LAMA2: variants seen among roughly 807,000 people sequenced by gnomAD.
LAMA2 encodes laminin subunit alpha 2.
In LAMA2, 269 loss-of-function variants were observed where a neutral mutation model predicts 364.8. The ratio of observed to expected loss-of-function variants is 0.74; its 90% CI spans 0.67 to 0.82. LAMA2 has a LOEUF of 0.82. Among genes scored for constraint, LAMA2 ranks in the 40% least tolerant of loss-of-function variants. The probability of loss-of-function intolerance (pLI) is 0.00; values close to 1 mark genes in which losing one functional copy is unlikely to be tolerated. For missense variants in LAMA2, 3,807 were observed against 3,873.2 expected, an observed-to-expected ratio of 0.98 and a Z score of 0.45; for synonymous variants, 1,379 against 1,370.6, an observed-to-expected ratio of 1.01 and a Z score of -0.14.
At chr6:129,364,216 C>G (rs1046313682) in intron 32 of LAMA2, among the ~76,000 whole-genome samples, 13 of 152,278 alleles carry the variant, frequency 8.5e-5, no homozygotes, top group Admixed American at 2.6e-4. Context: ...AGCTGCTGTC[C>G]TATCAAAAAA....
chr6:129,021,811 A>G (rs1488256623), intron 1 of LAMA2, among the ~76,000 whole-genome samples: 1 of 152,200 alleles, frequency 6.6e-6, no homozygotes, highest in Non-Finnish European at 1.5e-5. Context: ...ACTTAAATAT[A>G]TGTTATTTCT....
intron 37 of LAMA2, among the ~76,000 whole-genome samples, chr6:129,394,670 G>A (rs1025717771): frequency 5.3e-5 from 8 of 152,150 alleles, no homozygotes; most frequent in Admixed American, 2.0e-4. Context: ...CTTACCCGAA[G>A]GTGCACCTGT....
intron 34 of LAMA2, among the ~76,000 whole-genome samples, chr6:129,382,609 T>C (rs1778755675): frequency 6.6e-6 from 1 of 152,216 alleles, no homozygotes; most frequent in Admixed American, 6.5e-5. Flanking sequence ...AAACAGGCAT[T>C]TACTACTGAG....
At chr6:129,507,931 T>C (rs777979519) in intron 62 of LAMA2, among the ~76,000 whole-genome samples, 34 of 152,230 alleles carry the variant, frequency 2.2e-4, no homozygotes, top group Non-Finnish European at 1.3e-4. Context: ...AGAACACTCA[T>C]ATGTTTATAC....
chr6:129,203,927 C>T (rs74446709), intron 12 of LAMA2, among the ~76,000 whole-genome samples: 3,195 of 152,288 alleles, frequency 0.021, 103 homozygotes, highest in East Asian at 0.14. Context: ...CACACAGAAG[C>T]TGTCCGATAA....
At chr6:128,907,351 C>G (rs1218787717) in intron 1 of LAMA2, among the ~76,000 whole-genome samples, 1 of 110,026 alleles carries the variant, frequency 9.1e-6, no homozygotes, top group Admixed American at 9.2e-5. Context: ...AGGTCCTTCA[C>G]ATCCCTTGTA....
intron 35 of LAMA2, among the ~76,000 whole-genome samples, chr6:129,385,951 T>C (rs1426372438): frequency 6.6e-6 from 1 of 152,146 alleles, no homozygotes; most frequent in Non-Finnish European, 1.5e-5. Flanking sequence ...CTCTTAAGAA[T>C]CCTATTTGTA....
At chr6:128,960,883 ATAT>A (rs112099335) in intron 1 of LAMA2, among the ~76,000 whole-genome samples, 1 of 151,520 alleles carries the variant, frequency 6.6e-6, no homozygotes, top group African/African-American at 2.4e-5. Flanking sequence ...GAAGTTTTTA[ATAT>A]TATTTTTGCC....
At chr6:129,331,503 G>A (rs1246463142) in intron 29 of LAMA2, among the ~76,000 whole-genome samples, 1 of 152,000 alleles carries the variant, frequency 6.6e-6, no homozygotes, top group Admixed American at 6.6e-5. Context: ...TTCTGCATCT[G>A]TGCCCAATTA....
rs71543146 is a variant in LAMA2, at chr6:128,883,801, TACACACACAC to T, written c.112+470_112+479del. ...CAAAAAAAAATTATATATATATATATACACACACACACACACACACACACACACACACACA... is the reference window on the plus strand; with the variant it reads ...CAAAAAAAAATTATATATATATATATACACACACACACACACACACACACA... On this transcript the variant is annotated intron_variant, in intron 1 of 64. Transcript: ENST00000421865. Among the ~76,000 whole-genome samples the T allele has an allele frequency of 1.9e-3, 264 of 136,026 alleles. 1 individual carries two copies. Among genetic ancestry groups the T allele is most frequent in the South Asian group, 4.7e-3 (21 of 4,452 alleles). The allele number at this position is 136,026 out of a possible 152,430, so 89.2% of individuals were successfully genotyped here. A position where few individuals can be genotyped will look rare whatever the true frequency, so the allele number is the denominator to read the frequency against.
In LAMA2 at chr6:129,244,072, C is replaced by G. The variant is rs181124829; in HGVS notation, c.1783-6040C>G. The stretch of plus-strand genomic sequence containing the variant: ...CTCAGTTTATTCCCTTCTAAACCAA[C>G]TTTTCTAGAATGTGTTGTCTCTGTT... On this transcript the variant is annotated intron_variant, in intron 12 of 64. Coordinates refer to ENST00000421865, the MANE Select transcript of LAMA2 (RefSeq NM_000426.4). Among the ~76,000 whole-genome samples the G allele has an allele frequency of 1.5e-3, 231 of 152,188 alleles. 9 individuals are homozygous for G. In the South Asian group the frequency reaches 0.043, roughly 28 times the overall value.
intron 5 of LAMA2, 85 bp from the exon 6 acceptor site, chr6:129,146,874 A>G: frequency 1.1e-6 from 1 of 875,020 alleles, no homozygotes; most frequent in African/African-American, 1.6e-5. Context: ...AAAGCAGAAA[A>G]TAAAGTTTTT....
intron 19 of LAMA2, among the ~76,000 whole-genome samples, chr6:129,289,023 A>T (rs1001424670): frequency 2.6e-5 from 4 of 152,206 alleles, no homozygotes; most frequent in African/African-American, 7.2e-5. Flanking sequence ...CCAAAGACCC[A>T]GTAGGGTACC....
At chr6:129,502,310 G>T (rs569184698) in intron 58 of LAMA2, among the ~76,000 whole-genome samples, 1 of 152,296 alleles carries the variant, frequency 6.6e-6, no homozygotes, top group South Asian at 2.1e-4. Context: ...TTCCCTGTTC[G>T]ATCTTCTAAG....
chr6:129,182,204 A>T (rs1780974142), intron 10 of LAMA2, among the ~76,000 whole-genome samples: 1 of 151,904 alleles, frequency 6.6e-6, no homozygotes. Flanking sequence ...ATTGAAGAAC[A>T]TAAAATTCTA....
intron 1 of LAMA2, among the ~76,000 whole-genome samples, chr6:129,041,169 C>A (rs1386519595): frequency 6.6e-6 from 1 of 152,158 alleles, no homozygotes; most frequent in Non-Finnish European, 1.5e-5. Context: ...TTCTTCATCA[C>A]CTAGAGGAAC....
chr6:129,236,300 T>G (rs1784977918), intron 12 of LAMA2, among the ~76,000 whole-genome samples: 1 of 152,134 alleles, frequency 6.6e-6, no homozygotes, highest in African/African-American at 2.4e-5. Context: ...ATCTCAGCTT[T>G]TTTCACTTTC....
intron 1 of LAMA2, among the ~76,000 whole-genome samples, chr6:129,040,393 G>T (rs1301629459): frequency 6.6e-6 from 1 of 152,114 alleles, no homozygotes; most frequent in East Asian, 1.9e-4. Flanking sequence ...GGTTGAGGTG[G>T]GAGGATCACT....
At chr6:129,057,588 A>C (rs1304556904) in intron 2 of LAMA2, among the ~76,000 whole-genome samples, 3 of 152,304 alleles carry the variant, frequency 2.0e-5, no homozygotes, top group Middle Eastern at 6.8e-3. Flanking sequence ...TTTTCTCTGA[A>C]AATTATGAAT....
Sources: gnomAD v4.1 joint callset for allele counts (sites outside exome capture counted in the v4.1 genomes callset) on GRCh38, gnomAD v4.1.1 for gene constraint, MANE v1.5 for transcripts, NCBI Gene and HGNC (gene_info 2026-07-23, HGNC 2026-07-21) for gene names.